ASNS: variants seen among roughly 807,000 people sequenced by gnomAD.
ASNS encodes the protein asparagine synthetase (glutamine-hydrolyzing).
Under a neutral mutation model 62.6 loss-of-function variants are expected in ASNS, and 37 were observed. The ratio of observed to expected loss-of-function variants is 0.59; its 90% confidence interval spans 0.45 to 0.78. The LOEUF is 0.78. ASNS is among the 30% of genes least tolerant of loss of function. The pLI is 0.00. For missense variants in ASNS, 520 were observed against 682.4 expected (o/e 0.76, Z 2.65); for synonymous variants, 207 against 237.9 (o/e 0.87, Z 1.19).
the ASNS span, among the ~76,000 whole-genome samples, chr7:97,924,276 T>C: frequency 6.6e-6 from 1 of 152,204 alleles, no homozygotes; most frequent in Non-Finnish European, 1.5e-5. Context: ...TCCACCAACA[T>C]GCGCAGGTAG....
the ASNS span, among the ~76,000 whole-genome samples, chr7:97,911,182 C>T: frequency 6.6e-6 from 1 of 151,954 alleles, no homozygotes; most frequent in Admixed American, 6.6e-5. Flanking sequence ...GATGCAATTA[C>T]ATAACTACTG....
At chr7:97,879,524 G>A in the ASNS span, among the ~76,000 whole-genome samples, 1 of 152,234 alleles carries the variant, frequency 6.6e-6, no homozygotes, top group South Asian at 2.1e-4. Context: ...CTTTGAAGAT[G>A]TGAGCTGCCA....
the ASNS span, among the ~76,000 whole-genome samples, chr7:97,887,035 T>C: frequency 2.0e-5 from 3 of 152,196 alleles, no homozygotes; most frequent in Non-Finnish European, 4.4e-5. Flanking sequence ...ATTATCAGCA[T>C]GTAAAAGTCT....
intron 4 of ASNS, 160 bp downstream of exon 4, chr7:97,864,099 G>T: frequency 1.6e-6 from 1 of 610,140 alleles, no homozygotes; most frequent in Non-Finnish European, 2.8e-6. Flanking sequence ...GTGCTGAAAA[G>T]GAGAGTACAA....
rs1233217923 is a variant in ASNS at position 97,853,374 on chromosome 7, T to C, written c.1251A>G (p.Arg417=). ...AAAATCGATGATCTAGAAATGGGAC[T>C]CTCAGTTCAAGACTTAAAGGAGAAA... ...RTTAAHGLEL[R]VPFLDHRFSS... is the part of the protein sequence containing the mutation. The change falls in exon 11 of 13, where the codon AGA becomes AGG. Residue 417 remains arginine, a synonymous_variant. Coordinates refer to ENST00000394308, the MANE Select transcript of ASNS (RefSeq NM_001673.5). The C allele has an allele frequency of 6.2e-7, 1 of 1,612,282 alleles. No individual in the cohort carries two copies. The highest frequency in any genetic ancestry group is 1.7e-5 in the Admixed American group (1 of 59,972).
At chr7:97,875,821 T>A (rs942035809), upstream of ASNS, among the ~76,000 whole-genome samples, 2 of 152,142 alleles carry the variant, frequency 1.3e-5, no homozygotes, top group Admixed American at 6.5e-5. Flanking sequence ...TCCATCAACC[T>A]TCACAGAAGA....
the ASNS span, among the ~76,000 whole-genome samples, chr7:97,920,885 T>C: frequency 0.041 from 6,214 of 152,268 alleles, 286 homozygotes; most frequent in African/African-American, 0.11. Context: ...TTTTTCTCCC[T>C]TCCTAGTAAT....
intron 10 of ASNS, among the ~76,000 whole-genome samples, chr7:97,853,691 G>A (rs1791297626): frequency 6.6e-6 from 1 of 152,180 alleles, no homozygotes; most frequent in South Asian, 2.1e-4. Context: ...TACAAAACAT[G>A]AGTGACCCAA....
the ASNS span, among the ~76,000 whole-genome samples, chr7:97,912,651 C>T: frequency 1.4e-5 from 2 of 141,038 alleles, no homozygotes; most frequent in East Asian, 2.2e-4. Flanking sequence ...GGTGCCATCT[C>T]GGCTCACTGC....
At chr7:97,927,654 G>C in the ASNS span, among the ~76,000 whole-genome samples, 1 of 152,286 alleles carries the variant, frequency 6.6e-6, no homozygotes, top group African/African-American at 2.4e-5. Context: ...GTTTCCTGAT[G>C]TTACACTGCC....
At chr7:97,880,415 C>A in the ASNS span, among the ~76,000 whole-genome samples, 1 of 152,192 alleles carries the variant, frequency 6.6e-6, no homozygotes, top group Non-Finnish European at 1.5e-5. Context: ...TAAGCCAATG[C>A]ACCTGGCCTG....
chr7:97,916,402 A>C, the ASNS span, among the ~76,000 whole-genome samples: 1 of 152,192 alleles, frequency 6.6e-6, no homozygotes, highest in Non-Finnish European at 1.5e-5. Flanking sequence ...GAAAGAAAAA[A>C]GAATGACACA....
chr7:97,863,356 G>A (rs926637314), intron 4 of ASNS: 7 of 152,150 alleles, frequency 4.6e-5, no homozygotes, highest in Non-Finnish European at 8.8e-5. Flanking sequence ...ACTATACCAA[G>A]TGAAAGAATC....
At chr7:97,883,753 C>T in the ASNS span, among the ~76,000 whole-genome samples, 7 of 151,518 alleles carry the variant, frequency 4.6e-5, no homozygotes, top group Admixed American at 6.6e-5. Flanking sequence ...TTTGGGAGGC[C>T]GAGGCGGTCG....
chr7:97,859,189 A>C, intron 5 of ASNS, 24 bp downstream of exon 5: 1 of 1,586,720 alleles, frequency 6.3e-7, no homozygotes, highest in Non-Finnish European at 8.6e-7. Flanking sequence ...AAGGATGGGG[A>C]ATAGGTGGGT....
the ASNS span, among the ~76,000 whole-genome samples, chr7:97,922,329 G>A: frequency 1.3e-5 from 2 of 151,826 alleles, no homozygotes; most frequent in Non-Finnish European, 2.9e-5. Context: ...TCACACCCCT[G>A]CACTACAGCC....
the ASNS span, chr7:97,886,012 A>C: frequency 1.6e-6 from 1 of 609,162 alleles, no homozygotes; most frequent in African/African-American, 1.8e-5. Flanking sequence ...GTGCCCAATG[A>C]TGAGACCTCC....
the ASNS span, among the ~76,000 whole-genome samples, chr7:97,903,946 C>G: frequency 2.6e-5 from 4 of 152,158 alleles, no homozygotes; most frequent in South Asian, 8.3e-4. Flanking sequence ...TAGCAAGAAG[C>G]TCATTCTGCA....
At chr7:97,882,010 C>T in the ASNS span, among the ~76,000 whole-genome samples, 3 of 152,064 alleles carry the variant, frequency 2.0e-5, no homozygotes, top group Non-Finnish European at 4.4e-5. Flanking sequence ...TACCACCACG[C>T]CTGGCTAATT....
Sources: gnomAD v4.1 joint callset for allele counts (sites outside exome capture counted in the v4.1 genomes callset) on GRCh38, gnomAD v4.1.1 for gene constraint, MANE v1.5 for transcripts, NCBI Gene and HGNC (gene_info 2026-07-23, HGNC 2026-07-21) for gene names.